Variants in CDH12 observed in about 807,000 individuals in gnomAD.
CDH12 encodes cadherin 12.
In CDH12, 41 loss-of-function variants were observed where a neutral mutation model predicts 74.1. That is an observed-to-expected ratio of 0.55 (90% CI 0.43 to 0.72). The LOEUF is 0.72. CDH12 is among the 30% of genes least tolerant of loss of function. The pLI, the probability that CDH12 is intolerant of heterozygous loss-of-function variation, is 0.00. For synonymous variants in CDH12, 399 were observed against 355.0 expected, an observed-to-expected ratio of 1.12 and a Z score of -1.39; for missense variants, 945 against 977.2, an observed-to-expected ratio of 0.97 and a Z score of 0.44.
intron 3 of CDH12, among the ~76,000 whole-genome samples, chr5:22,345,353 T>C (rs529078606): frequency 2.0e-5 from 3 of 152,184 alleles, no homozygotes; most frequent in Non-Finnish European, 2.9e-5. Context: ...TGAAATTTAA[T>C]GTGTAAAGTT....
chr5:21,934,737 C>T (rs1754996581), intron 6 of CDH12, among the ~76,000 whole-genome samples: 1 of 151,922 alleles, frequency 6.6e-6, no homozygotes, highest in Admixed American at 6.6e-5. Context: ...GCCTTGCCCT[C>T]GTTTTCTTCT....
chr5:22,823,834 T>G (rs145932377), intron 1 of CDH12, among the ~76,000 whole-genome samples: 1 of 152,194 alleles, frequency 6.6e-6, no homozygotes, highest in Non-Finnish European at 1.5e-5. Flanking sequence ...GCCATGATTG[T>G]AAGTTTTCTG....
rs553529028 is a variant in CDH12, at chr5:22,790,251, GA to G, written c.-523+62806del. 4.6e-4 allele frequency among the ~76,000 whole-genome samples: 70 copies of G among 151,968 alleles called. 1 individual carries two copies. The East Asian group carries it at 0.01, about 22-fold the overall frequency. ...TCATTTAAAAAGAAATAACAGAGGGGAAAAAAATGCCAAGTTAAGGTGGCCT... is the reference window on the plus strand; with the variant it reads ...TCATTTAAAAAGAAATAACAGAGGGGAAAAAATGCCAAGTTAAGGTGGCCT... On this transcript the variant is annotated intron_variant, in intron 1 of 14. Transcript: ENST00000382254.
chr5:21,934,150 G>A (rs576782544), intron 6 of CDH12, among the ~76,000 whole-genome samples: 1 of 152,016 alleles, frequency 6.6e-6, no homozygotes, highest in African/African-American at 2.4e-5. Flanking sequence ...ACACATTTAA[G>A]TGGTTTGGGT....
intron 3 of CDH12, among the ~76,000 whole-genome samples, chr5:22,335,053 A>T (rs1739513745): frequency 6.6e-6 from 1 of 152,240 alleles, no homozygotes; most frequent in African/African-American, 2.4e-5. Flanking sequence ...AACAAAGTGA[A>T]GAGACAACCC....
At chr5:21,916,029 G>C (rs749682495) in intron 6 of CDH12, among the ~76,000 whole-genome samples, 4 of 151,946 alleles carry the variant, frequency 2.6e-5, no homozygotes, top group Non-Finnish European at 4.4e-5. Flanking sequence ...TGTGCCAATG[G>C]ATCTGATTCA....
intron 1 of CDH12, among the ~76,000 whole-genome samples, chr5:22,654,756 T>C (rs1739946038): frequency 6.6e-6 from 1 of 151,872 alleles, no homozygotes; most frequent in Non-Finnish European, 1.5e-5. Flanking sequence ...TGCCTCAGCC[T>C]CCCAAGTACC....
intron 3 of CDH12, among the ~76,000 whole-genome samples, chr5:22,317,095 A>G (rs1270015245): frequency 6.6e-6 from 1 of 152,140 alleles, no homozygotes; most frequent in Non-Finnish European, 1.5e-5. Context: ...AGGTGGGCAG[A>G]TCACCCGAGC....
chr5:22,809,613 T>C (rs976776832), intron 1 of CDH12, among the ~76,000 whole-genome samples: 2 of 151,870 alleles, frequency 1.3e-5, no homozygotes, highest in African/African-American at 4.8e-5. Context: ...ATTGATTTAT[T>C]TAGCAGACCA....
chr5:22,748,156 T>C (rs929247704), intron 1 of CDH12, among the ~76,000 whole-genome samples: 2 of 152,220 alleles, frequency 1.3e-5, no homozygotes, highest in Non-Finnish European at 2.9e-5. Context: ...CAAAAATAAG[T>C]ATTTTTTAAA....
intron 3 of CDH12, among the ~76,000 whole-genome samples, chr5:22,389,650 ATT>A (rs33947511): frequency 7.9e-4 from 109 of 138,326 alleles, no homozygotes; most frequent in Admixed American, 1.8e-3. Flanking sequence ...TAAAAAGACA[ATT>A]TTTTTTTTTT....
intron 1 of CDH12, among the ~76,000 whole-genome samples, chr5:22,675,754 AT>A (rs1186664868): frequency 6.6e-6 from 1 of 151,728 alleles, no homozygotes; most frequent in African/African-American, 2.4e-5. Flanking sequence ...TCTTAAGTCC[AT>A]TAAACCTCTT....
chr5:21,936,844 T>C (rs1415237788), intron 6 of CDH12, among the ~76,000 whole-genome samples: 15 of 152,276 alleles, frequency 9.9e-5, no homozygotes, highest in Non-Finnish European at 1.5e-4. Context: ...CAGTTTCCCC[T>C]GCATGCTCTC....
intron 11 of CDH12, among the ~76,000 whole-genome samples, chr5:21,768,306 T>C (rs1745136303): frequency 6.6e-6 from 1 of 151,836 alleles, no homozygotes; most frequent in Admixed American, 6.6e-5. Context: ...TTCACAATGC[T>C]TTGTTAGATC....
intron 3 of CDH12, among the ~76,000 whole-genome samples, chr5:22,298,183 C>A (rs969172008): frequency 2.7e-5 from 4 of 150,426 alleles, no homozygotes. Flanking sequence ...TCACTTAGCA[C>A]TGGGTGTTTA....
chr5:22,812,876 A>G (rs1050400333), intron 1 of CDH12, among the ~76,000 whole-genome samples: 2 of 151,918 alleles, frequency 1.3e-5, no homozygotes, highest in African/African-American at 2.4e-5. Context: ...CAGCATAATG[A>G]CCACTGGTAT....
At chr5:21,812,668 TTTAA>T (rs1747812889) in intron 9 of CDH12, among the ~76,000 whole-genome samples, 1 of 152,192 alleles carries the variant, frequency 6.6e-6, no homozygotes, top group African/African-American at 2.4e-5. Context: ...TACTATCATG[TTTAA>T]TTGAGTAATG....
chr5:22,414,883 T>C (rs1035657812), intron 2 of CDH12, among the ~76,000 whole-genome samples: 4 of 151,994 alleles, frequency 2.6e-5, no homozygotes, highest in Non-Finnish European at 5.9e-5. Flanking sequence ...ATTAAATATG[T>C]TTTTAATACA....
chr5:21,844,147 T>C (rs1318483318), intron 7 of CDH12, among the ~76,000 whole-genome samples: 1 of 152,142 alleles, frequency 6.6e-6, no homozygotes, highest in East Asian at 1.9e-4. Context: ...CCAGTTAGAT[T>C]AAAACATTAA....
Sources: allele counts gnomAD v4.1 joint callset (sites outside exome capture counted in the v4.1 genomes callset), GRCh38; gene constraint gnomAD v4.1.1; transcripts MANE v1.5; gene names NCBI Gene and HGNC (gene_info 2026-07-23, HGNC 2026-07-21).